Variants in SASH1 observed in about 807,000 individuals in gnomAD.
SASH1 encodes the protein SAM and SH3 domain-containing protein 1.
SASH1 carries 44 observed loss-of-function variants against 125.2 expected under a neutral mutation model. The ratio of observed to expected loss-of-function variants is 0.35; its 90% CI spans 0.28 to 0.45. The LOEUF (loss-of-function observed/expected upper bound fraction) is 0.45. Among genes scored for constraint, SASH1 ranks in the 20% least tolerant of loss-of-function variants. The probability of loss-of-function intolerance (pLI) is 1.00; values close to 1 mark genes in which losing one functional copy is unlikely to be tolerated. For synonymous variants in SASH1, 639 were observed against 649.1 expected, an observed-to-expected ratio of 0.98 and a Z score of 0.24; for missense variants, 1,426 against 1,614.5, an observed-to-expected ratio of 0.88 and a Z score of 2.00.
At chr6:148,298,647 A>AGGGAGGGAGGG (rs1562312052) in intron 1 of SASH1, among the ~76,000 whole-genome samples, 1 of 92,454 alleles carries the variant, frequency 1.1e-5, no homozygotes, top group African/African-American at 4.3e-5. Flanking sequence ...AGAAGGAAGG[A>AGGGAGGGAGGG]AGGGAGGGAG....
At chr6:148,395,140 CAG>C (rs986412109) in intron 2 of SASH1, among the ~76,000 whole-genome samples, 1 of 152,160 alleles carries the variant, frequency 6.6e-6, no homozygotes, top group Non-Finnish European at 1.5e-5. Context: ...GCCTTGGGGA[CAG>C]AGAATTTTGG....
chr6:148,308,611 G>T (rs1467014557), intron 1 of SASH1, among the ~76,000 whole-genome samples: 1 of 151,020 alleles, frequency 6.6e-6, no homozygotes, highest in East Asian at 2.0e-4. Flanking sequence ...GGTGAGGCTG[G>T]TCTCGAACTC....
intron 2 of SASH1, among the ~76,000 whole-genome samples, chr6:148,391,136 T>TC (rs1783702105): frequency 1.3e-5 from 2 of 149,940 alleles, no homozygotes; most frequent in Middle Eastern, 3.2e-3. Context: ...TGAGACGGAG[T>TC]TTCTCTCTTG....
At chr6:148,330,442 A>G (rs1295068977) in intron 1 of SASH1, among the ~76,000 whole-genome samples, 1 of 152,238 alleles carries the variant, frequency 6.6e-6, no homozygotes, top group Non-Finnish European at 1.5e-5. Context: ...ACATTCTCAT[A>G]GGGTAAAGTT....
chr6:148,489,102 C>T (rs929269319), intron 8 of SASH1, among the ~76,000 whole-genome samples: 1 of 151,968 alleles, frequency 6.6e-6, no homozygotes, highest in Non-Finnish European at 1.5e-5. Flanking sequence ...ATAGTTTTAG[C>T]CTTTAAGTTT....
intron 1 of SASH1, among the ~76,000 whole-genome samples, chr6:148,352,566 C>T (rs933193152): frequency 6.6e-6 from 1 of 151,476 alleles, no homozygotes; most frequent in East Asian, 1.9e-4. Context: ...CACCGTACTC[C>T]AGCCTGGGAG....
chr6:148,448,513 A>G (rs993237058), intron 4 of SASH1, among the ~76,000 whole-genome samples: 1 of 152,012 alleles, frequency 6.6e-6, no homozygotes, highest in Non-Finnish European at 1.5e-5. Flanking sequence ...CCCGGGTCAC[A>G]CTTCTCTCAT....
intron 1 of SASH1, among the ~76,000 whole-genome samples, chr6:148,355,511 A>G (rs1781896559): frequency 6.6e-6 from 1 of 152,246 alleles, no homozygotes; most frequent in African/African-American, 2.4e-5. Flanking sequence ...TAGCATTATC[A>G]AAGAACTGGC....
chr6:148,491,795 G>A (rs1779122312), intron 8 of SASH1, among the ~76,000 whole-genome samples: 1 of 152,160 alleles, frequency 6.6e-6, no homozygotes, highest in Non-Finnish European at 1.5e-5. Flanking sequence ...ACTTTTGTGT[G>A]AAAGTGACTG....
intron 1 of SASH1, among the ~76,000 whole-genome samples, chr6:148,359,104 G>GTA (rs1554242532): frequency 0.059 from 8,683 of 146,320 alleles, 322 homozygotes; most frequent in South Asian, 0.16. Flanking sequence ...ATACAAGTAT[G>GTA]TATATATAGG....
At chr6:148,290,813 T>C (rs1404592183) in intron 1 of SASH1, among the ~76,000 whole-genome samples, 3 of 148,836 alleles carry the variant, frequency 2.0e-5, no homozygotes, top group Non-Finnish European at 4.5e-5. Flanking sequence ...CCTCCACTAT[T>C]GTCCTATGAC....
Position 148,440,198 on chromosome 6 carries a change from T to C in SASH1, c.300T>C (p.Ala100=), listed in dbSNP as rs777015294. ...TTCTGTTTTAGGAGAAACCCGATGC[T>C]AGCCCCACGTCACTTCAGCTGCGGT... The part of the protein sequence containing the change: ...SQDLEVEKPD[A]SPTSLQLRSQ... Residue 100 remains alanine, a synonymous_variant, in exon 3 of 20, where the codon GCT becomes GCC. Transcript: ENST00000367467. The C allele has an allele frequency of 6.2e-7, 1 of 1,614,130 alleles. No individual in the cohort carries two copies. The highest frequency in any genetic ancestry group is 8.5e-7 in the Non-Finnish European group (1 of 1,180,002).
At chr6:148,254,387 G>A in the SASH1 span, among the ~76,000 whole-genome samples, 1 of 152,160 alleles carries the variant, frequency 6.6e-6, no homozygotes, top group Non-Finnish European at 1.5e-5. Context: ...TGTAGTCCCA[G>A]CTGCTTGGGA....
intron 1 of SASH1, among the ~76,000 whole-genome samples, chr6:148,276,959 A>T (rs1779202008): frequency 6.6e-6 from 1 of 152,124 alleles, no homozygotes; most frequent in South Asian, 2.1e-4. Flanking sequence ...GCGTTACTAA[A>T]ACTTACATAC....
At chr6:148,263,812 A>G in the SASH1 span, among the ~76,000 whole-genome samples, 1 of 152,180 alleles carries the variant, frequency 6.6e-6, no homozygotes, top group Non-Finnish European at 1.5e-5. Flanking sequence ...GTTAGAAGGA[A>G]TGTTACTGTT....
chr6:148,350,292 C>G (rs1213924045), intron 1 of SASH1, among the ~76,000 whole-genome samples: 1 of 152,046 alleles, frequency 6.6e-6, no homozygotes, highest in African/African-American at 2.4e-5. Context: ...ATCTGTAATT[C>G]TTATTAAAGA....
At chr6:148,383,519 C>T (rs1179432248) in intron 1 of SASH1, among the ~76,000 whole-genome samples, 2 of 152,090 alleles carry the variant, frequency 1.3e-5, no homozygotes, top group African/African-American at 4.8e-5. Flanking sequence ...TGAGTTTTCC[C>T]TTGGGGAAAA....
chr6:148,313,605 C>A (rs1780394517), intron 1 of SASH1, among the ~76,000 whole-genome samples: 1 of 152,102 alleles, frequency 6.6e-6, no homozygotes, highest in South Asian at 2.1e-4. Context: ...ACTTTTTACC[C>A]TTCCACTGCC....
At chr6:148,492,423 G>A (rs1296435277) in intron 8 of SASH1, among the ~76,000 whole-genome samples, 2 of 152,164 alleles carry the variant, frequency 1.3e-5, no homozygotes, top group African/African-American at 4.8e-5. Flanking sequence ...TGGAGCCCTT[G>A]CTATATAGCA....
Sources: allele counts gnomAD v4.1 joint callset (sites outside exome capture counted in the v4.1 genomes callset), GRCh38; gene constraint gnomAD v4.1.1; transcripts MANE v1.5; gene names NCBI Gene and HGNC (gene_info 2026-07-23, HGNC 2026-07-21).